Variants in UNC80 observed in about 807,000 individuals in gnomAD.
UNC80 encodes the protein unc-80 subunit of NALCN channel complex.
Under a neutral mutation model 384.6 loss-of-function variants are expected in UNC80, and 164 were observed. The observed-to-expected ratio is 0.43, with a 90% CI of 0.38 to 0.49. The LOEUF (loss-of-function observed/expected upper bound fraction) is 0.49. Ranked by LOEUF, UNC80 falls within the 20% of genes least tolerant of loss-of-function variation. The probability of loss-of-function intolerance (pLI) is 0.00; values close to 1 mark genes in which losing one functional copy is unlikely to be tolerated. For synonymous variants in UNC80, 1,486 were observed against 1,527.8 expected, an observed-to-expected ratio of 0.97 and a Z score of 0.64; for missense variants, 3,330 against 4,143.0, an observed-to-expected ratio of 0.80 and a Z score of 5.39.
intron 7 of UNC80, chr2:209,809,643 C>A: frequency 1.6e-6 from 1 of 612,408 alleles, no homozygotes. Flanking sequence ...AACAGCCTCC[C>A]CAAGCTCCAG....
At chr2:209,790,999 A>G (rs148413776) in intron 6 of UNC80, among the ~76,000 whole-genome samples, 195 of 152,302 alleles carry the variant, frequency 1.3e-3, no homozygotes, top group African/African-American at 4.5e-3. Flanking sequence ...AATGAAATAC[A>G]TACATCTCAT....
rs750156423 is a variant in UNC80, at chr2:209,839,349, C to T, written c.3169C>T (p.His1057Tyr). The change falls in exon 19 of 65, where the codon CAC (histidine) becomes TAC (tyrosine). Residue 1057 changes from histidine to tyrosine, a missense_variant. Transcript: ENST00000673920. This position sits in a 1 kb window ranked among gnomAD's most constrained non-coding sequence, Gnocchi z 4.1. ...GGACACTTCAGAATGCACGACTGCC[C>T]ACTCAGGGACCACCTCTGACCGACG... The part of the protein sequence containing the change: ...EQDTSECTTA[H>Y]SGTTSDRRAR... The T allele has an allele frequency of 2.8e-5, 43 of 1,551,774 alleles. No homozygotes were observed. The South Asian group carries it at 3.6e-4, about 13-fold the overall frequency.
rs2078368894 is a variant in UNC80, at chr2:209,799,096, T to TAA, written c.938+5237_938+5238insAA. 5.3e-5 allele frequency among the ~76,000 whole-genome samples: 8 copies of TAA among 151,526 alleles called. No homozygotes were observed. In the South Asian group the frequency reaches 1.7e-3, roughly 31 times the overall value. The stretch of plus-strand genomic sequence containing the variant: ...AAAATAAAATAAGTGTTTTTTTTTT[T>TAA]TCTAATTCTGTGAAGAATGTCAATG... On this transcript the variant is annotated intron_variant, in intron 7 of 64. Transcript: ENST00000673920.
intron 31 of UNC80, 48 bp downstream of exon 31, chr2:209,913,988 C>T: frequency 6.7e-7 from 1 of 1,500,330 alleles, no homozygotes. Context: ...ACTGCTGTTA[C>T]TGATCCAAGT....
intron 21 of UNC80, among the ~76,000 whole-genome samples, chr2:209,845,938 C>G (rs913296650): frequency 6.6e-6 from 1 of 151,272 alleles, no homozygotes; most frequent in Non-Finnish European, 1.5e-5. Context: ...TCCTTTCTTT[C>G]CTTCTCTCTT....
At chr2:209,850,424 G>A (rs182947743) in intron 22 of UNC80, among the ~76,000 whole-genome samples, 1 of 152,176 alleles carries the variant, frequency 6.6e-6, no homozygotes, top group Admixed American at 6.6e-5. Context: ...AAAACTTTAA[G>A]CCTGCCAATA....
chr2:209,955,789 G>T (rs2092392994), intron 48 of UNC80, among the ~76,000 whole-genome samples: 2 of 133,514 alleles, frequency 1.5e-5, no homozygotes, highest in African/African-American at 2.9e-5. Context: ...TGTCACCCAG[G>T]CTGGAGTTCA....
At chr2:209,829,783 G>A (rs908792109) in intron 15 of UNC80, among the ~76,000 whole-genome samples, 1 of 152,174 alleles carries the variant, frequency 6.6e-6, no homozygotes, top group African/African-American at 2.4e-5. Context: ...TAGTGGCACA[G>A]TGCCTGACAA....
Position 209,917,846 on chromosome 2 carries a change from A to G in UNC80, c.5099A>G (p.His1700Arg), listed in dbSNP as rs2089683743. The G allele has an allele frequency of 6.4e-7, 1 of 1,551,860 alleles. No homozygotes were observed. ...AVSDMLMSEF[H>R]HPETVQRLNA... ...TCCGACATGCTGATGTCAGAGTTCC[A>G]CCACCCGGAGACTGTGCAGAGGCTG... Residue 1700 changes from histidine to arginine, a missense_variant, in exon 32 of 65, where the codon CAC (histidine) becomes CGC (arginine). His to Arg is a conservative substitution (Grantham distance 29, BLOSUM62 0). Transcript: ENST00000673920.
At chr2:209,784,606 C>T (rs1056239817) in intron 4 of UNC80, among the ~76,000 whole-genome samples, 6 of 152,086 alleles carry the variant, frequency 3.9e-5, no homozygotes, top group Non-Finnish European at 8.8e-5. Flanking sequence ...TCATTTTGTT[C>T]AGAACTTTAC....
intron 22 of UNC80, among the ~76,000 whole-genome samples, chr2:209,870,767 G>A (rs1225970041): frequency 6.6e-6 from 1 of 152,160 alleles, no homozygotes; most frequent in Non-Finnish European, 1.5e-5. Flanking sequence ...ATCATCCAGT[G>A]TGTTTGGGAT....
chr2:209,980,214 G>T (rs2093125296), intron 59 of UNC80, among the ~76,000 whole-genome samples: 1 of 152,176 alleles, frequency 6.6e-6, no homozygotes, highest in Admixed American at 6.5e-5. Flanking sequence ...AAAACTTAAA[G>T]AAAATCAATT....
intron 22 of UNC80, among the ~76,000 whole-genome samples, chr2:209,865,126 A>C (rs1574802195): frequency 6.6e-6 from 1 of 152,072 alleles, no homozygotes; most frequent in East Asian, 1.9e-4. Context: ...GCGCTGCCGC[A>C]CCACACTGCT....
At chr2:209,957,993 G>C (rs1054768696) in intron 49 of UNC80, among the ~76,000 whole-genome samples, 2 of 152,082 alleles carry the variant, frequency 1.3e-5, no homozygotes, top group African/African-American at 4.8e-5. Flanking sequence ...GATGTTCTCT[G>C]CCTCCTGGGT....
chr2:209,845,585 A>G (rs1475608395), intron 21 of UNC80, among the ~76,000 whole-genome samples: 2 of 152,194 alleles, frequency 1.3e-5, no homozygotes, highest in Non-Finnish European at 2.9e-5. Context: ...AGATTCTACA[A>G]TGAGTTTGTG....
intron 36 of UNC80, among the ~76,000 whole-genome samples, chr2:209,928,195 G>A (rs1444483187): frequency 2.6e-5 from 4 of 152,000 alleles, no homozygotes; most frequent in African/African-American, 9.7e-5. Flanking sequence ...AATTAGCCAG[G>A]CGTGGTGGCA....
chr2:209,950,991 G>A (rs1282182344), intron 47 of UNC80, among the ~76,000 whole-genome samples: 1 of 151,978 alleles, frequency 6.6e-6, no homozygotes, highest in African/African-American at 2.4e-5. Context: ...TGGGCAACAT[G>A]GCAAAACCCC....
intron 51 of UNC80, among the ~76,000 whole-genome samples, chr2:209,964,712 G>A (rs1234410829): frequency 6.0e-5 from 9 of 151,036 alleles, no homozygotes; most frequent in Middle Eastern, 3.2e-3. Flanking sequence ...CGCTTGTACC[G>A]GGAGGCAGAG....
intron 48 of UNC80, among the ~76,000 whole-genome samples, chr2:209,955,723 A>ATATG (rs2092380728): frequency 1.2e-5 from 1 of 86,026 alleles, no homozygotes; most frequent in Non-Finnish European, 2.0e-5. Context: ...ATATATATAT[A>ATATG]TATATATATA....
Sources: gnomAD v4.1 joint callset for allele counts (sites outside exome capture counted in the v4.1 genomes callset) on GRCh38, gnomAD v4.1.1 for gene constraint, Gnocchi (gnomAD v3.1) non-coding constraint, MANE v1.5 for transcripts, NCBI Gene and HGNC (gene_info 2026-07-23, HGNC 2026-07-21) for gene names.